The following SLC38A6 variants were observed in gnomAD, a reference collection of about 807,000 sequenced individuals.
The protein encoded by SLC38A6 is solute carrier family 38 member 6, also known as N system amino acid transporter NAT-1.
A neutral mutation model predicts 65.0 loss-of-function variants in SLC38A6; 73 were observed. The observed-to-expected ratio is 1.12, with a 90% CI of 0.93 to 1.37. SLC38A6 has a LOEUF of 1.37. Ranked by LOEUF, SLC38A6 falls within the 40% of genes most tolerant of loss-of-function variation. The probability of loss-of-function intolerance (pLI) is 0.00; values close to 1 mark genes in which losing one functional copy is unlikely to be tolerated. For synonymous variants in SLC38A6, 183 were observed against 178.8 expected (o/e 1.02, Z -0.19); for missense variants, 561 against 531.1 (o/e 1.06, Z -0.55).
At chr14:61,054,529 T>C (rs2042640515), downstream of SLC38A6, among the ~76,000 whole-genome samples, 1 of 152,226 alleles carries the variant, frequency 6.6e-6, no homozygotes, top group African/African-American at 2.4e-5. Context: ...TTTCATTTGT[T>C]TGTGTCTTCT....
At chr14:61,037,207 C>A in intron 7 of SLC38A6, 66 bp downstream of exon 7, 1 of 1,225,638 alleles carries the variant, frequency 8.2e-7, no homozygotes, top group Non-Finnish European at 1.1e-6. Context: ...GAAAGAGAGA[C>A]AAATATTAAG....
At chr14:61,074,728 CTT>C (rs1337742257) in intron 15 of SLC38A6, among the ~76,000 whole-genome samples, 1 of 114,892 alleles carries the variant, frequency 8.7e-6, no homozygotes, top group Non-Finnish European at 1.7e-5. Context: ...CCTTCCTTCT[CTT>C]TCTTTTCTTT....
chr14:61,008,194 C>G (rs537283104), intron 3 of SLC38A6, among the ~76,000 whole-genome samples: 5 of 152,194 alleles, frequency 3.3e-5, no homozygotes, highest in Non-Finnish European at 7.4e-5. Flanking sequence ...TAGAAAAGGG[C>G]TGTATCATTC....
At chr14:61,010,169 A>G (rs1036575037) in intron 3 of SLC38A6, among the ~76,000 whole-genome samples, 4 of 152,182 alleles carry the variant, frequency 2.6e-5, no homozygotes, top group Admixed American at 6.5e-5. Context: ...TTTTGGCTGC[A>G]TAAATGTCTT....
chr14:61,012,625 C>T (rs1252745075), intron 3 of SLC38A6, among the ~76,000 whole-genome samples: 1 of 152,130 alleles, frequency 6.6e-6, no homozygotes, highest in East Asian at 1.9e-4. Flanking sequence ...TTATTTCTGC[C>T]TTCATTTCAT....
At chr14:61,009,397 T>A (rs999658963) in intron 3 of SLC38A6, among the ~76,000 whole-genome samples, 8 of 152,098 alleles carry the variant, frequency 5.3e-5, no homozygotes, top group South Asian at 2.1e-4. Flanking sequence ...ACTTTTATTT[T>A]AAATTATACT....
intron 16 of SLC38A6, among the ~76,000 whole-genome samples, chr14:61,081,163 C>T (rs1415730488): frequency 2.0e-5 from 3 of 152,170 alleles, no homozygotes; most frequent in Non-Finnish European, 4.4e-5. Context: ...AAATCATAGG[C>T]GTTTTGAGCA....
intron 1 of SLC38A6, among the ~76,000 whole-genome samples, chr14:60,981,991 A>G (rs2037074838): frequency 6.6e-6 from 1 of 152,126 alleles, no homozygotes; most frequent in Non-Finnish European, 1.5e-5. Context: ...TGCCAGAACA[A>G]CGTGAATTGC....
rs539027276 is a variant in SLC38A6 at position 60,984,855 on chromosome 14, G to T, written c.310+52G>T. On this transcript the variant is annotated intron_variant, in intron 3 of 15. Transcript: ENST00000267488. ...TTTAATAAAGGAGTCTCTTGAGTTT[G>T]TATCTACATATAGAACTGGATGTCT... 8 of 1,504,146 alleles carry T rather than the reference G, an allele frequency of 5.3e-6. No individual in the cohort carries two copies. In the African/African-American group the frequency reaches 8.2e-5, roughly 15 times the overall value. 93.2% of individuals were successfully genotyped at this position (1,504,146 alleles called of 1,614,324 possible).
intron 3 of SLC38A6, among the ~76,000 whole-genome samples, chr14:61,007,182 A>G (rs528646794): frequency 2.4e-4 from 36 of 152,064 alleles, no homozygotes; most frequent in African/African-American, 8.2e-4. Flanking sequence ...GTGGGGTGGG[A>G]GGAAGGGAGA....
rs371655948 is a variant in SLC38A6 at position 61,006,978 on chromosome 14, G to A, written c.311-8926G>A. 6.6e-5 allele frequency among the ~76,000 whole-genome samples: 10 copies of A among 152,304 alleles called. No homozygotes were observed. In the East Asian group the frequency reaches 1.5e-3, roughly 24 times the overall value. ...GAAAATGTGGCACATATACACCATG[G>A]AATACTATGCAGCCATAAAAAATGA... On this transcript the variant is annotated intron_variant, in intron 3 of 15. Transcript: ENST00000267488.
chr14:60,996,400 T>C lies in SLC38A6; in HGVS notation c.310+11597T>C, dbSNP rs150137789. 2.7e-3 allele frequency among the ~76,000 whole-genome samples: 413 copies of C among 152,186 alleles called. 2 individuals are homozygous for C. Among genetic ancestry groups the C allele is most frequent in the Admixed American group, 4.9e-3 (75 of 15,286 alleles). On this transcript the variant is annotated intron_variant, in intron 3 of 15. Transcript: ENST00000267488. Reference sequence around the variant, plus strand: ...GTCCTAGAAGTCAAAATTAGTTCAATTGTTGGGTTGGGAGAGTTACAGAAG... The same window carrying C: ...GTCCTAGAAGTCAAAATTAGTTCAACTGTTGGGTTGGGAGAGTTACAGAAG...
At chr14:60,998,731 G>C (rs376967342) in intron 3 of SLC38A6, among the ~76,000 whole-genome samples, 14 of 152,338 alleles carry the variant, frequency 9.2e-5, no homozygotes, top group Admixed American at 5.2e-4. Context: ...CCTAGATGCT[G>C]CTGTGGGGCT....
rs747215000 is a variant in SLC38A6 at position 61,052,025 on chromosome 14, T to TC, written c.1196-13dup. The TC allele has an allele frequency of 6.0e-5, 96 of 1,599,770 alleles. No individual in the cohort carries two copies. The highest frequency in any genetic ancestry group is 8.0e-5 in the Non-Finnish European group (94 of 1,173,832). Reference sequence around the variant, plus strand: ...ATCCAGCAATATCCTCTCTTTTTTTTCCCTCCACTTTAAAGGTGCCAGTAC... The same window carrying TC: ...ATCCAGCAATATCCTCTCTTTTTTTTCCCCTCCACTTTAAAGGTGCCAGTAC... On this transcript the variant is annotated splice_polypyrimidine_tract_variant and intron_variant, in intron 14 of 15. Transcript: ENST00000267488.
At position 61,043,436 on chromosome 14, in the gene SLC38A6, A is replaced by G. The variant is rs775390044; in HGVS notation, c.691-14A>G. 31 of 1,587,938 alleles carry G rather than the reference A, an allele frequency of 2.0e-5. No homozygotes were observed. In the Admixed American group the frequency reaches 2.0e-4, roughly 10 times the overall value. On this transcript the variant is annotated splice_polypyrimidine_tract_variant and intron_variant, in intron 9 of 15. Transcript: ENST00000267488. ...CTGTTGGTTTCTCTTTTTCCCCTCA[A>G]TGCTCTTAAACAGATTTCAAATGTT...
At chr14:61,072,401 A>G (rs1458456526) in intron 15 of SLC38A6, among the ~76,000 whole-genome samples, 1 of 152,228 alleles carries the variant, frequency 6.6e-6, no homozygotes, top group East Asian at 1.9e-4. Context: ...ATACTTAGTT[A>G]TTTTTAAATG....
intron 3 of SLC38A6, among the ~76,000 whole-genome samples, chr14:61,015,001 C>T (rs1327171189): frequency 2.0e-5 from 3 of 152,208 alleles, no homozygotes; most frequent in Admixed American, 2.0e-4. Context: ...CAGAGGCACG[C>T]AGGGCTCCTT....
Position 61,081,020 on chromosome 14 carries a change from T to A in SLC38A6, c.1408+2093T>A, listed in dbSNP as rs181160868. 4.3e-4 allele frequency among the ~76,000 whole-genome samples: 65 copies of A among 152,356 alleles called. 1 individual carries two copies. The highest frequency in any genetic ancestry group is 1.4e-3 in the African/African-American group (60 of 41,592). Reference sequence around the variant, plus strand: ...CCATCTGACTTGGATTTCGGTTTTCTGGCATGAGGTAATCCCAGGCACTAG... The same window carrying A: ...CCATCTGACTTGGATTTCGGTTTTCAGGCATGAGGTAATCCCAGGCACTAG... On this transcript the variant is annotated intron_variant, in intron 16 of 16. Coordinates refer to the SLC38A6 transcript ENST00000354886.
intron 16 of SLC38A6, among the ~76,000 whole-genome samples, chr14:61,081,139 A>C (rs959100063): frequency 2.0e-5 from 3 of 152,248 alleles, no homozygotes; most frequent in African/African-American, 7.2e-5. Flanking sequence ...TTAGAGGGCC[A>C]CATGGCAAGT....
Sources: allele counts gnomAD v4.1 joint callset (sites outside exome capture counted in the v4.1 genomes callset), GRCh38; gene constraint gnomAD v4.1.1; transcripts MANE v1.5; gene names NCBI Gene and HGNC (gene_info 2026-07-23, HGNC 2026-07-21).